SYT9: variants seen among roughly 807,000 people sequenced by gnomAD.
SYT9 encodes the protein synaptotagmin 9.
A neutral mutation model predicts 48.4 loss-of-function variants in SYT9; 22 were observed. The observed-to-expected ratio is 0.45, with a 90% CI of 0.32 to 0.65. SYT9 has a LOEUF of 0.65. Ranked by LOEUF, SYT9 falls within the 30% of genes least tolerant of loss-of-function variation. The probability of loss-of-function intolerance (pLI) is 0.03; values close to 1 mark genes in which losing one functional copy is unlikely to be tolerated. For synonymous variants in SYT9, 265 were observed against 245.0 expected (o/e 1.08, Z -0.76); for missense variants, 577 against 622.0 (o/e 0.93, Z 0.77).
chr11:7,285,346 G>A (rs778741876), intron 1 of SYT9, among the ~76,000 whole-genome samples: 20 of 152,276 alleles, frequency 1.3e-4, no homozygotes, highest in Non-Finnish European at 2.5e-4. Context: ...AAGAAGAAGT[G>A]CAGAGTAAAG....
chr11:7,263,461 A>G (rs1329403816), intron 1 of SYT9, among the ~76,000 whole-genome samples: 2 of 152,192 alleles, frequency 1.3e-5, no homozygotes, highest in African/African-American at 4.8e-5. Context: ...AAATTTGGGG[A>G]GGACACAAAC....
upstream of SYT9, among the ~76,000 whole-genome samples, chr11:7,247,553 G>GTATATACACATATATACACATATACATA (rs1847806258): frequency 7.4e-6 from 1 of 134,794 alleles, no homozygotes; most frequent in Non-Finnish European, 1.6e-5. Context: ...ACGTATACAT[G>GTATATACACATATATACACATATACATA]TATATACACA....
intron 1 of SYT9, among the ~76,000 whole-genome samples, chr11:7,278,043 A>G (rs1191621754): frequency 1.3e-5 from 2 of 152,232 alleles, no homozygotes; most frequent in Non-Finnish European, 2.9e-5. Context: ...GAGGTCACAT[A>G]TGATGAGAAT....
chr11:7,251,238 G>T (rs1037656032), upstream of SYT9, among the ~76,000 whole-genome samples: 1 of 152,116 alleles, frequency 6.6e-6, no homozygotes, highest in Non-Finnish European at 1.5e-5. Context: ...AAGATTCTGT[G>T]ATACTCCTCC....
rs563299376 is a variant in SYT9 at position 7,465,101 on chromosome 11, T to C, written c.1468-1691T>C. ...GACTCCATCTCAAAAAAAACGAAAG[T>C]AGAGCTATTTGGATGGTGCTCCAGG... On this transcript the variant is annotated intron_variant, in intron 6 of 6. Coordinates refer to ENST00000318881, the MANE Select transcript of SYT9 (RefSeq NM_175733.4). Among the ~76,000 whole-genome samples, 10 of 151,712 alleles carry C rather than the reference T, an allele frequency of 6.6e-5. 1 individual carries two copies. In the Middle Eastern group the frequency reaches 0.014, roughly 206 times the overall value.
At chr11:7,368,509 C>T (rs996793783) in intron 3 of SYT9, among the ~76,000 whole-genome samples, 1 of 152,168 alleles carries the variant, frequency 6.6e-6, no homozygotes, top group Non-Finnish European at 1.5e-5. Flanking sequence ...AATGCTCTCC[C>T]TCCCCTTGCC....
chr11:7,408,779 T>C (rs1248376758), intron 3 of SYT9, among the ~76,000 whole-genome samples: 1 of 152,216 alleles, frequency 6.6e-6, no homozygotes, highest in Admixed American at 6.5e-5. Context: ...AATGGTTGAC[T>C]TCCTCTTTTC....
chr11:7,298,427 A>T, intron 1 of SYT9, among the ~76,000 whole-genome samples: 1 of 152,112 alleles, frequency 6.6e-6, no homozygotes, highest in East Asian at 1.9e-4. Flanking sequence ...GCATTACTGT[A>T]ATTCCTTTCA....
At chr11:7,415,288 T>C (rs1847220730) in intron 3 of SYT9, among the ~76,000 whole-genome samples, 1 of 151,934 alleles carries the variant, frequency 6.6e-6, no homozygotes, top group African/African-American at 2.4e-5. Context: ...GCTCGCAGGG[T>C]GCCACTCTCA....
At chr11:7,440,718 A>G (rs1478730047) in intron 6 of SYT9, 1 of 152,252 alleles carries the variant, frequency 6.6e-6, no homozygotes, top group East Asian at 1.9e-4. Context: ...GACTTACAAG[A>G]ATAGGTTGAT....
chr11:7,268,804 G>A (rs1039270103), intron 1 of SYT9, among the ~76,000 whole-genome samples: 1 of 152,042 alleles, frequency 6.6e-6, no homozygotes, highest in Non-Finnish European at 1.5e-5. Context: ...TTTAGTAAAT[G>A]TATGAAGTTG....
intron 3 of SYT9, among the ~76,000 whole-genome samples, chr11:7,400,093 A>C (rs1051733519): frequency 6.6e-6 from 1 of 152,234 alleles, no homozygotes; most frequent in Non-Finnish European, 1.5e-5. Flanking sequence ...GGGTATGCTT[A>C]GATCAGTGAA....
At chr11:7,326,570 C>T (rs537786105) in intron 3 of SYT9, among the ~76,000 whole-genome samples, 3 of 151,794 alleles carry the variant, frequency 2.0e-5, no homozygotes, top group Admixed American at 1.3e-4. Context: ...GAAAAAACTA[C>T]TTTAAAGTTC....
At chr11:7,435,424 G>T (rs1029430933) in intron 6 of SYT9, 1 of 152,232 alleles carries the variant, frequency 6.6e-6, no homozygotes, top group African/African-American at 2.4e-5. Flanking sequence ...CCCATGCACA[G>T]ATGTAGCTTC....
chr11:7,239,835 A>G (rs12288852), intron 1 of SYT9, among the ~76,000 whole-genome samples: 3,365 of 152,274 alleles, frequency 0.022, 148 homozygotes, highest in African/African-American at 0.077. Flanking sequence ...TAAATCAATA[A>G]TTTACTTAGA....
chr11:7,468,607 G>C lies in SYT9; in HGVS notation c.*1807G>C, dbSNP rs747723259. 6.8e-6 allele frequency: 2 copies of C among 294,298 alleles called. No individual in the cohort carries two copies. Among genetic ancestry groups the C allele is most frequent in the Non-Finnish European group, 1.2e-5 (2 of 160,646 alleles). The allele number at this position is 294,298 out of a possible 1,614,324, so 18.2% of individuals were successfully genotyped here. A position where few individuals can be genotyped will look rare whatever the true frequency, so the allele number is the denominator to read the frequency against. Reference sequence around the variant, plus strand: ...GCAGAAATATTGTCTGTAAAGCTAGGCAGATGAGCCCAGAAGAATGGTCCC... The same window carrying C: ...GCAGAAATATTGTCTGTAAAGCTAGCCAGATGAGCCCAGAAGAATGGTCCC... On this transcript the variant is annotated 3_prime_UTR_variant, in exon 7 of 7. Transcript: ENST00000318881.
At chr11:7,369,794 A>ACACACAC (rs1564879645) in intron 3 of SYT9, among the ~76,000 whole-genome samples, 30 of 143,894 alleles carry the variant, frequency 2.1e-4, no homozygotes, top group African/African-American at 7.0e-4. Flanking sequence ...CACACACACA[A>ACACACAC]ACACACACAC....
chr11:7,338,998 A>G (rs774595683), intron 3 of SYT9, among the ~76,000 whole-genome samples: 23 of 152,150 alleles, frequency 1.5e-4, no homozygotes, highest in Non-Finnish European at 2.6e-4. Flanking sequence ...AGGTCTCTTA[A>G]GAATTTGCTT....
chr11:7,387,177 A>G (rs1200205173), intron 3 of SYT9, among the ~76,000 whole-genome samples: 2 of 152,098 alleles, frequency 1.3e-5, no homozygotes, highest in African/African-American at 4.8e-5. Context: ...AGAAGCGGGG[A>G]GGGATAGCAT....
Sources: allele counts gnomAD v4.1 joint callset (sites outside exome capture counted in the v4.1 genomes callset), GRCh38; gene constraint gnomAD v4.1.1; transcripts MANE v1.5; gene names NCBI Gene and HGNC (gene_info 2026-07-23, HGNC 2026-07-21).